NALCN: variants seen among roughly 807,000 people sequenced by gnomAD.
NALCN encodes the protein sodium leak channel NALCN.
Under a neutral mutation model 225.3 loss-of-function variants are expected in NALCN, and 111 were observed. That is an observed-to-expected ratio of 0.49 (90% CI 0.42 to 0.58). The LOEUF is 0.58. NALCN is among the 20% of genes least tolerant of loss of function. The probability of loss-of-function intolerance (pLI) is 0.00; values close to 1 mark genes in which losing one functional copy is unlikely to be tolerated. For missense variants in NALCN, 1,378 were observed against 2,202.4 expected (o/e 0.63, Z 7.49); for synonymous variants, 764 against 769.0 (o/e 0.99, Z 0.11).
Position 101,163,526 on chromosome 13 carries a change from A to G in NALCN, c.1839+12774T>C, listed in dbSNP as rs193057862. On this transcript the variant is annotated intron_variant, in intron 15 of 43. Coordinates refer to ENST00000251127, the MANE Select transcript of NALCN (RefSeq NM_052867.4). ...TTTCCTCTAAGAAAGTCTCAAGTCT[A>G]TAAAATTTTACTATGATGGGGTTTG... Among the ~76,000 whole-genome samples, 4 of 152,162 alleles carry G rather than the reference A, an allele frequency of 2.6e-5. No individual in the cohort carries two copies. In the East Asian group the frequency reaches 5.8e-4, roughly 22 times the overall value.
intron 12 of NALCN, among the ~76,000 whole-genome samples, chr13:101,233,045 G>A (rs891061418): frequency 9.2e-5 from 14 of 152,066 alleles, no homozygotes; most frequent in African/African-American, 2.9e-4. Context: ...TTCCTAGAAA[G>A]GAAAAATCCC....
At chr13:101,396,875 T>C (rs1208898912) in intron 2 of NALCN, among the ~76,000 whole-genome samples, 1 of 151,668 alleles carries the variant, frequency 6.6e-6, no homozygotes, top group Non-Finnish European at 1.5e-5. Flanking sequence ...CATAAGTTTG[T>C]AGAAAGCTCT....
intron 6 of NALCN, among the ~76,000 whole-genome samples, chr13:101,369,434 C>G (rs1015670257): frequency 6.6e-6 from 1 of 152,076 alleles, no homozygotes; most frequent in African/African-American, 2.4e-5. Context: ...GTGGAACTAG[C>G]AAAGAATACT....
intron 7 of NALCN, among the ~76,000 whole-genome samples, chr13:101,318,302 T>C (rs510808): frequency 0.41 from 61,987 of 151,942 alleles, 13,001 homozygotes; most frequent in Middle Eastern, 0.47. Flanking sequence ...AGTCTGGCCA[T>C]GGTGCACAGC....
rs1210850084 is a variant in NALCN at position 101,110,613 on chromosome 13, A to G, written c.2364+6T>C. On this transcript the variant is annotated splice_donor_region_variant and intron_variant, in intron 20 of 43. Coordinates refer to ENST00000251127, the MANE Select transcript of NALCN (RefSeq NM_052867.4). ...TCTGAAATCCAAAGCATTGCTTAAA[A>G]CTTACATCTTGAGTCAAAGTTTCAA... 6 of 1,613,804 alleles carry G rather than the reference A, an allele frequency of 3.7e-6. No individual in the cohort carries two copies. Among genetic ancestry groups the G allele is most frequent in the Non-Finnish European group, 4.2e-6 (5 of 1,179,880 alleles).
At chr13:101,100,055 G>C (rs539590841) in intron 27 of NALCN, among the ~76,000 whole-genome samples, 11 of 152,146 alleles carry the variant, frequency 7.2e-5, no homozygotes, top group Non-Finnish European at 1.3e-4. Context: ...ACGCCGTAGT[G>C]CAAGTATTCA....
chr13:101,178,051 A>G (rs747858437), intron 14 of NALCN, among the ~76,000 whole-genome samples: 1 of 152,206 alleles, frequency 6.6e-6, no homozygotes, highest in Non-Finnish European at 1.5e-5. Context: ...CACCACTGGT[A>G]ACTGGGCATC....
At chr13:101,212,485 G>A (rs570458346) in intron 13 of NALCN, among the ~76,000 whole-genome samples, 27 of 152,222 alleles carry the variant, frequency 1.8e-4, no homozygotes, top group Non-Finnish European at 3.4e-4. Context: ...TCTTGACAAT[G>A]CTATAGTTAA....
intron 7 of NALCN, among the ~76,000 whole-genome samples, chr13:101,318,843 T>C (rs1445118422): frequency 2.0e-5 from 3 of 152,308 alleles, no homozygotes; most frequent in East Asian, 3.9e-4. Flanking sequence ...CTGCGCAAGA[T>C]TGTCCTCACA....
At chr13:101,058,131 A>C (rs2031496516) in intron 42 of NALCN, 75 bp from the exon 43 acceptor site, 2 of 1,273,140 alleles carry the variant, frequency 1.6e-6, no homozygotes, top group African/African-American at 3.0e-5. Flanking sequence ...AAGAAAGGAA[A>C]ACACATGGCA....
chr13:101,158,055 C>A (rs2037992287), intron 15 of NALCN, among the ~76,000 whole-genome samples: 1 of 152,084 alleles, frequency 6.6e-6, no homozygotes, highest in Admixed American at 6.6e-5. Context: ...TCTTTTCTTT[C>A]ATTGCTCCAC....
At position 101,147,871 on chromosome 13, in the gene NALCN, G is replaced by A. The variant is rs9585629; in HGVS notation, c.1840-2975C>T. On this transcript the variant is annotated intron_variant, in intron 15 of 43. Transcript: ENST00000251127. ...CCTCTGTGCCTCCCCCACCTCTGCC[G>A]GCCCTCTGCTGGCCCTCTGCTGGGT... is the stretch of plus-strand genomic sequence containing the variant. 4.3e-3 allele frequency among the ~76,000 whole-genome samples: 653 copies of A among 151,984 alleles called. 7 individuals are homozygous for A. Among genetic ancestry groups the A allele is most frequent in the African/African-American group, 0.015 (623 of 41,452 alleles).
chr13:101,200,708 C>T (rs1024219648), intron 13 of NALCN, among the ~76,000 whole-genome samples: 1 of 152,104 alleles, frequency 6.6e-6, no homozygotes, highest in Non-Finnish European at 1.5e-5. Context: ...ATCCTTTTCT[C>T]TCTCAAGCCC....
Position 101,067,986 on chromosome 13 carries a change from G to A in NALCN, c.4378C>T (p.Gln1460Ter), listed in dbSNP as rs1335710703. 2 of 1,612,382 alleles carry A rather than the reference G, an allele frequency of 1.2e-6. No individual in the cohort carries two copies. Among genetic ancestry groups the A allele is most frequent in the Non-Finnish European group, 1.7e-6 (2 of 1,179,612 alleles). ...FSLFYSTEED[Q>*]LLSYNDLRHF... ...CGAAGATCATTGTAACTTAAAAGCT[G>A]GTCCTCCTCAGTGGAATAAAACAAG... Residue 1460 changes from glutamine (Q) to a stop codon, truncating the protein, a stop_gained, in exon 39 of 44, where the codon CAG becomes TAG. Coordinates refer to ENST00000251127, the MANE Select transcript of NALCN (RefSeq NM_052867.4). LOFTEE classifies it high-confidence loss of function.
At chr13:101,237,401 A>C (rs983776706) in intron 12 of NALCN, among the ~76,000 whole-genome samples, 12 of 152,072 alleles carry the variant, frequency 7.9e-5, no homozygotes, top group African/African-American at 2.9e-4. Flanking sequence ...CCTAGTCTTT[A>C]AAGTTTGTGC....
intron 1 of NALCN, among the ~76,000 whole-genome samples, chr13:101,407,273 T>C (rs1443728664): frequency 6.6e-6 from 1 of 152,196 alleles, no homozygotes; most frequent in Non-Finnish European, 1.5e-5. Context: ...TGTTGGAATA[T>C]CCCAAAAGGT....
At chr13:101,290,461 G>C (rs1239706798) in intron 9 of NALCN, among the ~76,000 whole-genome samples, 1 of 152,220 alleles carries the variant, frequency 6.6e-6, no homozygotes, top group Non-Finnish European at 1.5e-5. Flanking sequence ...TTTGCAAAAA[G>C]AGAGGAGAGA....
At chr13:101,293,041 T>C (rs1321442173) in intron 7 of NALCN, among the ~76,000 whole-genome samples, 1 of 152,216 alleles carries the variant, frequency 6.6e-6, no homozygotes, top group Non-Finnish European at 1.5e-5. Flanking sequence ...TAAAATGCCA[T>C]GTAGGGAAAA....
At chr13:101,175,900 G>C (rs1594367819) in intron 15 of NALCN, among the ~76,000 whole-genome samples, 1 of 152,032 alleles carries the variant, frequency 6.6e-6, no homozygotes, top group Non-Finnish European at 1.5e-5. Flanking sequence ...TTGTCCTTTA[G>C]TGTCTAGAGA....
Sources: allele counts gnomAD v4.1 joint callset (sites outside exome capture counted in the v4.1 genomes callset), GRCh38; gene constraint gnomAD v4.1.1; transcripts MANE v1.5; gene names NCBI Gene and HGNC (gene_info 2026-07-23, HGNC 2026-07-21).